C8orf34: variants seen among roughly 807,000 people sequenced by gnomAD.
C8orf34 encodes chromosome 8 open reading frame 34.
A neutral mutation model predicts 68.3 loss-of-function variants in C8orf34; 65 were observed. The observed-to-expected ratio is 0.95, with a 90% CI of 0.78 to 1.17. The LOEUF (loss-of-function observed/expected upper bound fraction) is 1.17. Ranked by LOEUF, C8orf34 falls within the 50% of genes most tolerant of loss-of-function variation. The probability of loss-of-function intolerance (pLI) is 0.00; values close to 1 mark genes in which losing one functional copy is unlikely to be tolerated. For missense variants in C8orf34, 664 were observed against 655.4 expected (o/e 1.01, Z -0.14); for synonymous variants, 244 against 241.2 (o/e 1.01, Z -0.11).
chr8:68,644,345 C>T (rs1258684252), intron 8 of C8orf34, among the ~76,000 whole-genome samples: 2 of 152,102 alleles, frequency 1.3e-5, no homozygotes, highest in Non-Finnish European at 2.9e-5. Context: ...TTTACCTGGG[C>T]ATGGTGTCAA....
chr8:68,536,573 T>C (rs1815485953), intron 7 of C8orf34, among the ~76,000 whole-genome samples: 1 of 151,980 alleles, frequency 6.6e-6, no homozygotes, highest in Non-Finnish European at 1.5e-5. Flanking sequence ...TTGATTATTC[T>C]CTTTATGATT....
At chr8:68,381,804 G>A (rs1037438015) in intron 1 of C8orf34, among the ~76,000 whole-genome samples, 2 of 149,908 alleles carry the variant, frequency 1.3e-5, no homozygotes, top group African/African-American at 4.9e-5. Context: ...TGATGTGTGT[G>A]CATTCCATTT....
chr8:68,423,024 G>A (rs1023893417), intron 1 of C8orf34, among the ~76,000 whole-genome samples: 1 of 152,224 alleles, frequency 6.6e-6, no homozygotes, highest in Non-Finnish European at 1.5e-5. Context: ...GAGACCCTGA[G>A]CCTGGCCAAG....
chr8:68,626,715 A>G (rs1213751762), intron 7 of C8orf34, among the ~76,000 whole-genome samples: 1 of 152,188 alleles, frequency 6.6e-6, no homozygotes, highest in Non-Finnish European at 1.5e-5. Flanking sequence ...TCAACATAGG[A>G]TCTTATTTAT....
At chr8:68,389,694 A>T (rs990951663) in intron 1 of C8orf34, among the ~76,000 whole-genome samples, 1 of 152,166 alleles carries the variant, frequency 6.6e-6, no homozygotes, top group Non-Finnish European at 1.5e-5. Flanking sequence ...TTCTTCAGCC[A>T]AGAGGTTACA....
chr8:68,791,221 C>A (rs1823985580), intron 12 of C8orf34: 1 of 367,296 alleles, frequency 2.7e-6, no homozygotes, highest in South Asian at 1.0e-4. Context: ...ACAGTCATGG[C>A]AGAAGGAAAA....
chr8:68,344,096 T>C lies in C8orf34; in HGVS notation c.327+12757T>C, dbSNP rs1427393392. Among the ~76,000 whole-genome samples the C allele has an allele frequency of 3.3e-5, 5 of 152,298 alleles. No individual in the cohort carries two copies. In the East Asian group the frequency reaches 9.7e-4, roughly 29 times the overall value. On this transcript the variant is annotated intron_variant, in intron 1 of 13. Coordinates refer to ENST00000518698, the MANE Select transcript of C8orf34 (RefSeq NM_052958.4). ...TTTATCCCAGAGAAATGAAGATTTA[T>C]GTTAACACAAAAACTGGTACATTAT...
chr8:68,811,545 C>T (rs542584886), intron 12 of C8orf34, among the ~76,000 whole-genome samples: 12 of 152,334 alleles, frequency 7.9e-5, no homozygotes, highest in Admixed American at 5.2e-4. Flanking sequence ...CAGCTGGTGT[C>T]TTCGCAGCAG....
At chr8:68,598,913 T>G (rs1297030264) in intron 7 of C8orf34, among the ~76,000 whole-genome samples, 8 of 152,046 alleles carry the variant, frequency 5.3e-5, no homozygotes, top group African/African-American at 1.7e-4. Context: ...ACAGGTAAAT[T>G]TCAGACATTT....
chr8:68,590,366 C>T (rs891103047), intron 7 of C8orf34, among the ~76,000 whole-genome samples: 1 of 151,858 alleles, frequency 6.6e-6, no homozygotes, highest in African/African-American at 2.4e-5. Flanking sequence ...TTTCTTAGTC[C>T]CTTTTATTTT....
chr8:68,710,642 G>A (rs1821305779), intron 9 of C8orf34, among the ~76,000 whole-genome samples: 1 of 152,102 alleles, frequency 6.6e-6, no homozygotes, highest in African/African-American at 2.4e-5. Context: ...ATAAGAAGAG[G>A]CTGAGCTCAG....
At chr8:68,787,401 T>A in intron 11 of C8orf34, 42 bp from the exon 12 acceptor site, 1 of 1,426,880 alleles carries the variant, frequency 7.0e-7, no homozygotes, top group Non-Finnish European at 9.8e-7. Context: ...GTTCATGATA[T>A]CAAAACAGAG....
intron 5 of C8orf34, among the ~76,000 whole-genome samples, chr8:68,510,287 A>G (rs1412840375): frequency 1.3e-5 from 2 of 152,170 alleles, no homozygotes; most frequent in Non-Finnish European, 2.9e-5. Context: ...AACTATAGTT[A>G]TGCTTGTAGG....
At chr8:68,590,141 AAAAGGAAAGG>A (rs139401783) in intron 7 of C8orf34, among the ~76,000 whole-genome samples, 1 of 148,978 alleles carries the variant, frequency 6.7e-6, no homozygotes, top group Non-Finnish European at 1.5e-5. Flanking sequence ...GGAAGGAAGG[AAAAGGAAAGG>A]AAAGGAAAGA....
chr8:68,815,992 T>C, intron 13 of C8orf34, 47 bp downstream of exon 13: 1 of 1,612,780 alleles, frequency 6.2e-7, no homozygotes, highest in Non-Finnish European at 8.5e-7. Context: ...TAATGGCGGG[T>C]ACCTTCTAAA....
intron 6 of C8orf34, among the ~76,000 whole-genome samples, chr8:68,530,905 AT>A (rs1251644242): frequency 6.6e-6 from 1 of 152,152 alleles, no homozygotes; most frequent in South Asian, 2.1e-4. Flanking sequence ...ATTTGTTCTT[AT>A]TTTTTCCCTC....
At chr8:68,694,438 T>C (rs548103983) in intron 8 of C8orf34, among the ~76,000 whole-genome samples, 5 of 152,206 alleles carry the variant, frequency 3.3e-5, no homozygotes, top group Non-Finnish European at 5.9e-5. Context: ...GTTTTGTGTG[T>C]TTTTCTATAA....
intron 1 of C8orf34, among the ~76,000 whole-genome samples, chr8:68,431,076 G>A (rs1034121021): frequency 1.3e-5 from 2 of 152,076 alleles, no homozygotes; most frequent in Non-Finnish European, 2.9e-5. Context: ...TGGACAGTAA[G>A]GGATAGAGCC....
rs79505538 is a variant in C8orf34 at position 68,467,180 on chromosome 8, C to G, written c.608-1512C>G. ...TCCAAACTCTAACCCCCATCTCATC[C>G]TGGCCCTATAGTAATGCAGTTATTT... On this transcript the variant is annotated intron_variant, in intron 3 of 13. Transcript: ENST00000518698. 4.9e-4 allele frequency among the ~76,000 whole-genome samples: 74 copies of G among 152,072 alleles called. No homozygotes were observed. The East Asian group carries it at 0.014, about 29-fold the overall frequency.
Sources: gnomAD v4.1 joint callset for allele counts (sites outside exome capture counted in the v4.1 genomes callset) on GRCh38, gnomAD v4.1.1 for gene constraint, MANE v1.5 for transcripts, NCBI Gene and HGNC (gene_info 2026-07-23, HGNC 2026-07-21) for gene names.